Variants in STAU1 observed in about 807,000 individuals in gnomAD.
STAU1 encodes double-stranded RNA-binding protein Staufen homolog 1.
STAU1 carries 13 observed loss-of-function variants against 62.9 expected under a neutral mutation model. The observed-to-expected ratio is 0.21, with a 90% CI of 0.13 to 0.33. The LOEUF (loss-of-function observed/expected upper bound fraction) is 0.33. STAU1 is among the 10% of genes least tolerant of loss of function. STAU1 has a pLI of 1.00. For missense variants in STAU1, 571 were observed against 712.1 expected, an observed-to-expected ratio of 0.80 and a Z score of 2.25; for synonymous variants, 269 against 265.1, an observed-to-expected ratio of 1.01 and a Z score of -0.14.
intron 6 of STAU1, among the ~76,000 whole-genome samples, chr20:49,130,607 T>C (rs542123526): frequency 2.0e-5 from 3 of 152,234 alleles, no homozygotes; most frequent in African/African-American, 7.2e-5. Context: ...AAAGCAGCAA[T>C]GCATCTATAC....
intron 5 of STAU1, among the ~76,000 whole-genome samples, chr20:49,141,754 G>A (rs905597218): frequency 3.3e-5 from 5 of 151,906 alleles, no homozygotes; most frequent in African/African-American, 1.2e-4. Context: ...AAGTAGCCGG[G>A]TGAGACTCTG....
intron 1 of STAU1, among the ~76,000 whole-genome samples, chr20:49,186,803 G>A (rs768956280): frequency 3.3e-5 from 5 of 151,832 alleles, no homozygotes; most frequent in Non-Finnish European, 7.4e-5. Context: ...AAAATCAACC[G>A]GGAACCTGAT....
At chr20:49,197,667 G>T in the STAU1 span, among the ~76,000 whole-genome samples, 2 of 151,828 alleles carry the variant, frequency 1.3e-5, no homozygotes, top group Non-Finnish European at 2.9e-5. Flanking sequence ...CTCCCAAAGT[G>T]CTAGAATTAC....
the STAU1 span, among the ~76,000 whole-genome samples, chr20:49,202,174 C>T: frequency 3.4e-5 from 5 of 145,790 alleles, no homozygotes; most frequent in Non-Finnish European, 7.5e-5. Context: ...GAGCCAACAT[C>T]GTGCCACTGC....
intron 2 of STAU1, among the ~76,000 whole-genome samples, chr20:49,172,476 G>A (rs2093609514): frequency 6.6e-6 from 1 of 152,146 alleles, no homozygotes; most frequent in South Asian, 2.1e-4. Context: ...TGATCTGCTG[G>A]AGACTTTTAA....
At chr20:49,132,860 G>C (rs1422961403) in intron 6 of STAU1, among the ~76,000 whole-genome samples, 1 of 152,180 alleles carries the variant, frequency 6.6e-6, no homozygotes, top group Non-Finnish European at 1.5e-5. Flanking sequence ...CTTCCTATGT[G>C]ACAGATTTAA....
At chr20:49,192,051 A>C (rs2093832014), upstream of STAU1, among the ~76,000 whole-genome samples, 1 of 151,504 alleles carries the variant, frequency 6.6e-6, no homozygotes, top group Non-Finnish European at 1.5e-5. Flanking sequence ...ACTCCATCTC[A>C]AAAAACAAAA....
At chr20:49,121,756 A>G (rs1168039543) in intron 8 of STAU1, among the ~76,000 whole-genome samples, 3 of 152,218 alleles carry the variant, frequency 2.0e-5, no homozygotes, top group African/African-American at 4.8e-5. Context: ...GTATATATCT[A>G]TAACATACAT....
intron 1 of STAU1, among the ~76,000 whole-genome samples, chr20:49,181,768 A>AC: frequency 1.2e-4 from 1 of 8,098 alleles, no homozygotes; most frequent in African/African-American, 1.1e-3. Context: ...TATCTCAACA[A>AC]AAAAAAAAAA....
At chr20:49,135,721 G>A (rs1600680803) in intron 6 of STAU1, 112 bp downstream of exon 6, 5 of 784,492 alleles carry the variant, frequency 6.4e-6, no homozygotes, top group Non-Finnish European at 1.0e-5. Flanking sequence ...TAAATTTGGA[G>A]GTTCACATTA....
At chr20:49,163,687 A>C (rs543868533) in intron 3 of STAU1, among the ~76,000 whole-genome samples, 1 of 152,134 alleles carries the variant, frequency 6.6e-6, no homozygotes, top group African/African-American at 2.4e-5. Context: ...TGGCCTCCCA[A>C]GTGCTGGGAT....
intron 5 of STAU1, among the ~76,000 whole-genome samples, chr20:49,146,705 CAAA>C (rs113862517): frequency 8.3e-6 from 1 of 120,734 alleles, no homozygotes. Flanking sequence ...ACCCTATCTC[CAAA>C]AAAAAAAAAA....
In STAU1 at chr20:49,135,841, T is replaced by G; in HGVS notation, c.601A>C (p.Asn201His). Residue 201 changes from asparagine to histidine, a missense_variant, in exon 6 of 14, where the codon AAT becomes CAT. Around this residue, in one of 3 missense-constraint regions of STAU1, gnomAD observed 414 missense variants for 499.6 expected, o/e 0.83. Coordinates refer to ENST00000371856, the MANE Select transcript of STAU1 (RefSeq NM_017453.4). ...ATGTAAAATTAGCTTACCTCGAAAT[T>G]CACAGGCAAGTTCCGTTTAAGTGCA... ...EIALKRNLPV[N>H]FEVARESGPP... 6.2e-7 allele frequency: 1 copy of G among 1,612,734 alleles called. No individual in the cohort carries two copies. Among genetic ancestry groups the G allele is most frequent in the Non-Finnish European group, 8.5e-7 (1 of 1,179,536 alleles).
At chr20:49,176,523 C>T (rs749581843) in intron 1 of STAU1, among the ~76,000 whole-genome samples, 7 of 152,204 alleles carry the variant, frequency 4.6e-5, no homozygotes, top group Non-Finnish European at 8.8e-5. Flanking sequence ...CAGTTTCTCA[C>T]TGCTACTATG....
At chr20:49,192,463 TG>T (rs967042227), upstream of STAU1, among the ~76,000 whole-genome samples, 33 of 151,954 alleles carry the variant, frequency 2.2e-4, no homozygotes, top group African/African-American at 7.2e-4. Flanking sequence ...ATGCACAATC[TG>T]TGTGAAGAAA....
At chr20:49,206,963 C>T in the STAU1 span, among the ~76,000 whole-genome samples, 3 of 151,282 alleles carry the variant, frequency 2.0e-5, no homozygotes, top group Non-Finnish European at 2.9e-5. Context: ...ACCATGTTGG[C>T]CAGGATAGTC....
chr20:49,154,454 T>C (rs138544540), intron 3 of STAU1, among the ~76,000 whole-genome samples: 1 of 152,368 alleles, frequency 6.6e-6, no homozygotes, highest in African/African-American at 2.4e-5. Context: ...AATATAACCT[T>C]GGTTGTACTG....
the STAU1 span, among the ~76,000 whole-genome samples, chr20:49,214,945 C>G: frequency 6.6e-6 from 1 of 152,146 alleles, no homozygotes; most frequent in Non-Finnish European, 1.5e-5. Context: ...CATGTGACAA[C>G]AAAACAAAAC....
chr20:49,148,025 T>A (rs769221516), intron 5 of STAU1, among the ~76,000 whole-genome samples: 1 of 152,246 alleles, frequency 6.6e-6, no homozygotes, highest in Non-Finnish European at 1.5e-5. Context: ...AAATTTTTTA[T>A]AGTCCATATG....
Sources: gnomAD v4.1 joint callset for allele counts (sites outside exome capture counted in the v4.1 genomes callset) on GRCh38, gnomAD v4.1.1 for gene constraint, gnomAD v4.1.1 regional missense constraint, MANE v1.5 for transcripts, NCBI Gene and HGNC (gene_info 2026-07-23, HGNC 2026-07-21) for gene names.